The following KATNAL1 variants were observed in gnomAD, a reference collection of about 807,000 sequenced individuals.
The protein encoded by KATNAL1 is katanin catalytic subunit A1 like 1.
Under a neutral mutation model 55.2 loss-of-function variants are expected in KATNAL1, and 32 were observed. The ratio of observed to expected loss-of-function variants is 0.58; its 90% CI spans 0.44 to 0.78. KATNAL1 has a LOEUF of 0.78. KATNAL1 is among the 30% of genes least tolerant of loss of function. The pLI, the probability that KATNAL1 is intolerant of heterozygous loss-of-function variation, is 0.00. For synonymous variants in KATNAL1, 193 were observed against 193.6 expected, an observed-to-expected ratio of 1.00 and a Z score of 0.02; for missense variants, 466 against 600.9, an observed-to-expected ratio of 0.78 and a Z score of 2.35.
At chr13:30,269,248 G>T (rs139488383) in intron 3 of KATNAL1, among the ~76,000 whole-genome samples, 3,217 of 152,272 alleles carry the variant, frequency 0.021, 45 homozygotes, top group Non-Finnish European at 0.033. Context: ...CGCCTGACTG[G>T]TTTTCGTATT....
intron 1 of KATNAL1, chr13:30,296,519 G>T (rs1882506853): frequency 1.4e-6 from 1 of 735,032 alleles, no homozygotes. Context: ...TTGCCTACTG[G>T]GGCCTCTTTA....
At chr13:30,271,878 G>GAAAAAAAAAAAAAAAAAAAAAAAAA (rs71299873) in intron 3 of KATNAL1, among the ~76,000 whole-genome samples, 15 of 76,764 alleles carry the variant, frequency 2.0e-4, no homozygotes, top group Non-Finnish European at 2.9e-4. Context: ...AAGAAAAGAG[G>GAAAAAAAAAAAAAAAAAAAAAAAAA]AAAAAAAAAA....
At chr13:30,216,111 A>G (rs1287754969) in intron 9 of KATNAL1, among the ~76,000 whole-genome samples, 2 of 152,048 alleles carry the variant, frequency 1.3e-5, no homozygotes, top group Non-Finnish European at 2.9e-5. Context: ...CTTAAAATAC[A>G]TTGAGCAAAA....
intron 1 of KATNAL1, among the ~76,000 whole-genome samples, chr13:30,303,711 T>G (rs988078894): frequency 2.6e-5 from 4 of 152,236 alleles, no homozygotes; most frequent in Admixed American, 2.0e-4. Flanking sequence ...GCCATTGAGC[T>G]CTCATATTAT....
At chr13:30,233,446 T>TACAAAATCA in intron 6 of KATNAL1, among the ~76,000 whole-genome samples, 3 of 152,038 alleles carry the variant, frequency 2.0e-5, no homozygotes, top group Non-Finnish European at 4.4e-5. Flanking sequence ...ATCAAAAAGA[T>TACAAAATCA]AGCTAATAAT....
chr13:30,289,486 A>G lies in KATNAL1; in HGVS notation c.-14-5695T>C, dbSNP rs144354665. 2.0e-3 allele frequency among the ~76,000 whole-genome samples: 303 copies of G among 152,318 alleles called. 2 individuals are homozygous for G. The highest frequency in any genetic ancestry group is 6.7e-3 in the African/African-American group (279 of 41,576). On this transcript the variant is annotated intron_variant, in intron 1 of 10. Coordinates refer to ENST00000380615, the MANE Select transcript of KATNAL1 (RefSeq NM_032116.5). ...TGATTTTTATTTTCTAATTTTGTAA[A>G]GAAATTCTACTGGAATAAGATATTC...
At chr13:30,304,829 A>T (rs1478580754) in intron 1 of KATNAL1, among the ~76,000 whole-genome samples, 1 of 152,188 alleles carries the variant, frequency 6.6e-6, no homozygotes, top group Non-Finnish European at 1.5e-5. Context: ...GCTCCTCCTC[A>T]TCTCAATCAA....
intron 1 of KATNAL1, among the ~76,000 whole-genome samples, chr13:30,305,495 G>A (rs1566140658): frequency 1.3e-5 from 2 of 152,160 alleles, no homozygotes; most frequent in African/African-American, 2.4e-5. Context: ...GACAGAGAAT[G>A]GTCAGTGCTT....
At chr13:30,256,942 C>A (rs961212661) in intron 3 of KATNAL1, among the ~76,000 whole-genome samples, 23 of 152,114 alleles carry the variant, frequency 1.5e-4, no homozygotes, top group African/African-American at 5.1e-4. Flanking sequence ...GAGACAAAGA[C>A]AAGCAATCTT....
Position 30,240,525 on chromosome 13 carries a change from T to C in KATNAL1, c.661A>G (p.Arg221Gly). The change falls in exon 6 of 11, where the codon AGG becomes GGG. Residue 221 changes from arginine to glycine, a missense_variant. By Grantham distance (125) the Arg-to-Gly change is moderately radical. Transcript: ENST00000380615. ...CACATTGGAAGAACAACAGCTTCCCTTAGCAACTTCTTAGCTTCTTCCAGA... is the reference window on the plus strand; with the variant it reads ...CACATTGGAAGAACAACAGCTTCCCCTAGCAACTTCTTAGCTTCTTCCAGA... ...ADLEEAKKLL[R>G]EAVVLPMWMP... 1 of 1,613,832 alleles carries C rather than the reference T, an allele frequency of 6.2e-7. No homozygotes were observed. Among genetic ancestry groups the C allele is most frequent in the African/African-American group, 1.3e-5 (1 of 75,056 alleles).
chr13:30,275,249 C>T (rs970415237), intron 3 of KATNAL1, among the ~76,000 whole-genome samples: 1 of 152,114 alleles, frequency 6.6e-6, no homozygotes, highest in African/African-American at 2.4e-5. Flanking sequence ...AGGGGGAAGC[C>T]AGCATATCAC....
chr13:30,290,250 A>G (rs1405353387), intron 1 of KATNAL1, among the ~76,000 whole-genome samples: 1 of 152,216 alleles, frequency 6.6e-6, no homozygotes, highest in Non-Finnish European at 1.5e-5. Flanking sequence ...AGAAAATTTC[A>G]ATGTAGCCAA....
chr13:30,252,741 C>A (rs1037204796), intron 4 of KATNAL1, among the ~76,000 whole-genome samples: 2 of 151,700 alleles, frequency 1.3e-5, no homozygotes, highest in Non-Finnish European at 2.9e-5. Flanking sequence ...CACTAATTTT[C>A]CTTTCTTTTT....
intron 3 of KATNAL1, among the ~76,000 whole-genome samples, chr13:30,257,350 C>T (rs1878880699): frequency 6.6e-6 from 1 of 152,196 alleles, no homozygotes; most frequent in Admixed American, 6.5e-5. Flanking sequence ...ATCAAGTTTG[C>T]TCTTTTGTAA....
At chr13:30,262,597 G>A (rs1281711086) in intron 3 of KATNAL1, among the ~76,000 whole-genome samples, 1 of 151,944 alleles carries the variant, frequency 6.6e-6, no homozygotes, top group Non-Finnish European at 1.5e-5. Context: ...ACACCTCTAC[G>A]CAAATAAACT....
intron 9 of KATNAL1, among the ~76,000 whole-genome samples, chr13:30,213,687 A>C (rs1229267998): frequency 6.6e-6 from 1 of 152,016 alleles, no homozygotes; most frequent in Non-Finnish European, 1.5e-5. Flanking sequence ...TGATTATCTC[A>C]ATAGATGCAG....
At chr13:30,267,543 GA>G (rs1879872333) in intron 3 of KATNAL1, among the ~76,000 whole-genome samples, 1 of 152,154 alleles carries the variant, frequency 6.6e-6, no homozygotes, top group Non-Finnish European at 1.5e-5. Flanking sequence ...TGCTGAAGAA[GA>G]GTCCTCAACT....
At chr13:30,260,742 G>C (rs1593904885) in intron 3 of KATNAL1, among the ~76,000 whole-genome samples, 1 of 148,928 alleles carries the variant, frequency 6.7e-6, no homozygotes, top group East Asian at 1.9e-4. Flanking sequence ...ATCTACATCT[G>C]ATTTGTGTAC....
Position 30,255,487 on chromosome 13 carries a change from C to T in KATNAL1, c.452G>A (p.Ser151Asn). 1 of 1,594,778 alleles carries T rather than the reference C, an allele frequency of 6.3e-7. No individual in the cohort carries two copies. Among genetic ancestry groups the T allele is most frequent in the Non-Finnish European group, 8.5e-7 (1 of 1,170,496 alleles). ...PISKSEKPST[S>N]RDKDYRARGR... ...TCTTGCTCTATAGTCCTTGTCCCTACTTGTAGAAGGCTTTTCACTCTTTGA... is the reference window on the plus strand; with the variant it reads ...TCTTGCTCTATAGTCCTTGTCCCTATTTGTAGAAGGCTTTTCACTCTTTGA... The change falls in exon 4 of 11, where the codon AGT becomes AAT. Residue 151 changes from serine (S) to asparagine (N), a missense_variant. Transcript: ENST00000380615.
Sources: gnomAD v4.1 joint callset for allele counts (sites outside exome capture counted in the v4.1 genomes callset) on GRCh38, gnomAD v4.1.1 for gene constraint, MANE v1.5 for transcripts, NCBI Gene and HGNC (gene_info 2026-07-23, HGNC 2026-07-21) for gene names.